ELMO1: variants seen among roughly 807,000 people sequenced by gnomAD.
The protein encoded by ELMO1 is engulfment and cell motility 1, also known as engulfment and cell motility protein 1.
ELMO1 carries 26 observed loss-of-function variants against 98.9 expected under a neutral mutation model. The observed-to-expected ratio is 0.26, with a 90% CI of 0.19 to 0.36. The LOEUF (loss-of-function observed/expected upper bound fraction) is 0.36. Among genes scored for constraint, ELMO1 ranks in the 10% least tolerant of loss-of-function variants. ELMO1 has a pLI of 1.00. For synonymous variants in ELMO1, 346 were observed against 346.0 expected, an observed-to-expected ratio of 1.00 and a Z score of 0.00; for missense variants, 627 against 935.2, an observed-to-expected ratio of 0.67 and a Z score of 4.30.
Position 37,313,080 on chromosome 7 carries a change from TATAAAATAAATGAAAAAC to T in ELMO1, c.192+1752_192+1769del, listed in dbSNP as rs1458490438. The stretch of plus-strand genomic sequence containing the variant: ...TAGCATGCAAATTATATAGATGCAG[TATAAAATAAATGAAAAAC>T]ATTAAGAAACTGAAGCAAAGGGAAA... On this transcript the variant is annotated intron_variant, in intron 4 of 21. Transcript: ENST00000310758. Among the ~76,000 whole-genome samples the T allele has an allele frequency of 2.6e-5, 4 of 152,222 alleles. No individual in the cohort carries two copies. The East Asian group carries it at 7.7e-4, about 29-fold the overall frequency.
chr7:37,026,343 G>A (rs1054252950), intron 15 of ELMO1, among the ~76,000 whole-genome samples: 1 of 152,258 alleles, frequency 6.6e-6, no homozygotes, highest in Non-Finnish European at 1.5e-5. Context: ...CATTAGCCAC[G>A]TCTAGGGAGC....
intron 1 of ELMO1, among the ~76,000 whole-genome samples, chr7:37,387,736 T>C (rs958413377): frequency 6.6e-6 from 1 of 152,216 alleles, no homozygotes; most frequent in African/African-American, 2.4e-5. Context: ...AAAGTCATGA[T>C]GTACTTTTGT....
At chr7:36,988,507 C>CT (rs1294518290) in intron 16 of ELMO1, among the ~76,000 whole-genome samples, 2 of 152,178 alleles carry the variant, frequency 1.3e-5, no homozygotes, top group Non-Finnish European at 2.9e-5. Flanking sequence ...CCTGCAGACT[C>CT]TAATAGAGGA....
chr7:37,135,990 T>C (rs867063950), intron 13 of ELMO1, among the ~76,000 whole-genome samples: 1 of 152,066 alleles, frequency 6.6e-6, no homozygotes, highest in South Asian at 2.1e-4. Flanking sequence ...ATACAGTATA[T>C]GAAAGAAAAA....
chr7:37,409,747 C>A (rs1249686572), intron 1 of ELMO1, among the ~76,000 whole-genome samples: 1 of 152,172 alleles, frequency 6.6e-6, no homozygotes. Context: ...TGTAGCCTTG[C>A]AAGCCATATA....
chr7:37,037,454 T>C (rs186597852), intron 15 of ELMO1, among the ~76,000 whole-genome samples: 2 of 152,144 alleles, frequency 1.3e-5, no homozygotes, highest in East Asian at 3.9e-4. Flanking sequence ...GATGGGAAAA[T>C]AATTGAGCTG....
chr7:37,269,322 T>C (rs1288660192), intron 5 of ELMO1: 1 of 152,142 alleles, frequency 6.6e-6, no homozygotes, highest in African/African-American at 2.4e-5. Context: ...CCAGCCTCTC[T>C]ATTAAGGCCC....
rs777053238 is a variant in ELMO1 at position 37,211,479 on chromosome 7, A to G, written c.993T>C (p.Ala331=). 1 of 1,614,070 alleles carries G rather than the reference A, an allele frequency of 6.2e-7. No individual in the cohort carries two copies. The highest frequency in any genetic ancestry group is 1.1e-5 in the South Asian group (1 of 91,078). ...TGTTAGGTTCAGACTCAGCATCAAA[A>G]GCAATTCTTCGAAGTTCAAATATGA... The part of the protein sequence containing the change: ...RDIIFELRRI[A]FDAESEPNNS... Residue 331 remains alanine (A), a synonymous_variant, in exon 13 of 22, where the codon GCT becomes GCC. Coordinates refer to ENST00000310758, the MANE Select transcript of ELMO1 (RefSeq NM_014800.11).
chr7:36,969,705 A>T (rs991958863), intron 16 of ELMO1, among the ~76,000 whole-genome samples: 2 of 152,108 alleles, frequency 1.3e-5, no homozygotes, highest in Admixed American at 6.6e-5. Flanking sequence ...TGGCTTAGAA[A>T]GTCTGGGATG....
chr7:36,996,543 C>T (rs902924074), intron 16 of ELMO1, among the ~76,000 whole-genome samples: 1 of 152,158 alleles, frequency 6.6e-6, no homozygotes, highest in Non-Finnish European at 1.5e-5. Context: ...TGGAATTCTG[C>T]AGCATTGCCT....
At chr7:37,243,612 A>G (rs916407926) in intron 7 of ELMO1, among the ~76,000 whole-genome samples, 2 of 152,192 alleles carry the variant, frequency 1.3e-5, no homozygotes, top group African/African-American at 4.8e-5. Context: ...GCATAATACT[A>G]TAGTACATTG....
At position 36,890,945 on chromosome 7, in the gene ELMO1, T is replaced by C. The variant is rs778759321; in HGVS notation, c.1602-3273A>G. On this transcript the variant is annotated intron_variant, in intron 17 of 21. Coordinates refer to ENST00000310758, the MANE Select transcript of ELMO1 (RefSeq NM_014800.11). ...TCTTTATTCACTAAACACCCAGACC[T>C]GCTCCAACCTCAGGGCCTTTGCCCT... Among the ~76,000 whole-genome samples the C allele has an allele frequency of 9.8e-5, 15 of 152,328 alleles. No homozygotes were observed. The Middle Eastern group carries it at 0.01, about 104-fold the overall frequency.
chr7:37,345,062 C>T (rs1336662627), intron 1 of ELMO1, among the ~76,000 whole-genome samples: 1 of 152,124 alleles, frequency 6.6e-6, no homozygotes, highest in Non-Finnish European at 1.5e-5. Flanking sequence ...CTAACTTCAG[C>T]GCAGCTGACA....
intron 14 of ELMO1, among the ~76,000 whole-genome samples, chr7:37,103,605 C>A (rs766947852): frequency 6.6e-6 from 1 of 151,794 alleles, no homozygotes; most frequent in Non-Finnish European, 1.5e-5. Context: ...GGGTGCAGCA[C>A]AACGTGGCAC....
chr7:37,118,094 T>C (rs1785724836), intron 14 of ELMO1, among the ~76,000 whole-genome samples: 1 of 152,214 alleles, frequency 6.6e-6, no homozygotes, highest in South Asian at 2.1e-4. Flanking sequence ...TAATTGCACA[T>C]TACACACTGT....
chr7:37,345,818 T>C (rs576866062), intron 1 of ELMO1, among the ~76,000 whole-genome samples: 1 of 151,140 alleles, frequency 6.6e-6, no homozygotes, highest in African/African-American at 2.4e-5. Context: ...TGAAACCCCA[T>C]CTCTACTAAA....
intron 1 of ELMO1, among the ~76,000 whole-genome samples, chr7:37,372,975 A>G (rs1278699040): frequency 6.6e-6 from 1 of 152,224 alleles, no homozygotes; most frequent in African/African-American, 2.4e-5. Flanking sequence ...TGAGGCTACT[A>G]AAGGGAAGAG....
In ELMO1 at chr7:37,214,380, C is replaced by T. The variant is rs113898398; in HGVS notation, c.832-923G>A. Among the ~76,000 whole-genome samples the T allele has an allele frequency of 2.6e-5, 4 of 152,316 alleles. 1 individual carries two copies. The highest frequency in any genetic ancestry group is 9.6e-5 in the African/African-American group (4 of 41,576). Reference sequence around the variant, plus strand: ...CTGTAGTTGCTCCTGGGTAGACAGACTGCTGCAAACCAACTTCTAAGTGGC... The same window carrying T: ...CTGTAGTTGCTCCTGGGTAGACAGATTGCTGCAAACCAACTTCTAAGTGGC... On this transcript the variant is annotated intron_variant, in intron 11 of 21. Coordinates refer to ENST00000310758, the MANE Select transcript of ELMO1 (RefSeq NM_014800.11).
intron 16 of ELMO1, among the ~76,000 whole-genome samples, chr7:36,907,430 T>C (rs1161253846): frequency 6.6e-6 from 1 of 152,134 alleles, no homozygotes; most frequent in Non-Finnish European, 1.5e-5. Context: ...ATTTATTATG[T>C]TTAAAGGGGA....
Sources: allele counts gnomAD v4.1 joint callset (sites outside exome capture counted in the v4.1 genomes callset), GRCh38; gene constraint gnomAD v4.1.1; transcripts MANE v1.5; gene names NCBI Gene and HGNC (gene_info 2026-07-23, HGNC 2026-07-21).